The following MIPOL1 variants were observed in gnomAD, a reference collection of about 807,000 sequenced individuals.
The protein encoded by MIPOL1 is mirror-image polydactyly gene 1 protein.
MIPOL1 carries 57 observed loss-of-function variants against 60.9 expected under a neutral mutation model. That is an observed-to-expected ratio of 0.94 (90% CI 0.76 to 1.17). The LOEUF is 1.17. MIPOL1 is among the 50% of genes most tolerant of loss of function. MIPOL1 has a pLI of 0.00. For synonymous variants in MIPOL1, 179 were observed against 168.8 expected (o/e 1.06, Z -0.47); for missense variants, 551 against 511.6 (o/e 1.08, Z -0.74).
intron 9 of MIPOL1, among the ~76,000 whole-genome samples, chr14:37,369,182 T>G (rs1313106364): frequency 6.6e-6 from 1 of 152,064 alleles, no homozygotes; most frequent in Non-Finnish European, 1.5e-5. Context: ...AGAAGCACAG[T>G]TTTATTCAAC....
intron 11 of MIPOL1, among the ~76,000 whole-genome samples, chr14:37,485,415 T>C (rs2094932465): frequency 6.6e-6 from 1 of 152,324 alleles, no homozygotes; most frequent in Non-Finnish European, 1.5e-5. Flanking sequence ...TACACTGTCT[T>C]CCACAATGGC....
intron 9 of MIPOL1, among the ~76,000 whole-genome samples, chr14:37,326,527 G>A (rs943313143): frequency 1.6e-4 from 25 of 152,168 alleles, no homozygotes; most frequent in African/African-American, 5.8e-4. Flanking sequence ...GTCCAGTGTA[G>A]TCACCCTTCC....
In MIPOL1 at chr14:37,271,459, G is replaced by A. The variant is rs989494608; in HGVS notation, c.493+934G>A. Among the ~76,000 whole-genome samples the A allele has an allele frequency of 2.0e-5, 3 of 151,914 alleles. No individual in the cohort carries two copies. In the East Asian group the frequency reaches 5.8e-4, roughly 29 times the overall value. On this transcript the variant is annotated intron_variant, in intron 6 of 12. Coordinates refer to ENST00000684589, the MANE Select transcript of MIPOL1 (RefSeq NM_001388067.1). ...TTTAGGTCAGAAATATGATTAACTA[G>A]GAGAGCTTGCTTTAAAATATGATTG...
At chr14:37,389,239 A>AT (rs1555327900) in intron 10 of MIPOL1, among the ~76,000 whole-genome samples, 7 of 152,054 alleles carry the variant, frequency 4.6e-5, no homozygotes, top group African/African-American at 1.7e-4. Flanking sequence ...GTAAAAAAAA[A>AT]CAAAAAACAG....
chr14:37,442,433 T>G (rs943847199), intron 11 of MIPOL1, among the ~76,000 whole-genome samples: 1 of 152,086 alleles, frequency 6.6e-6, no homozygotes, highest in African/African-American at 2.4e-5. Flanking sequence ...TGAGTGGACA[T>G]CCTTGTGTTG....
intron 12 of MIPOL1, chr14:37,504,404 G>C (rs1319729019): frequency 2.6e-5 from 4 of 152,130 alleles, no homozygotes; most frequent in Non-Finnish European, 4.4e-5. Flanking sequence ...ACAAAAAACT[G>C]TCTCTCAGAC....
intron 11 of MIPOL1, among the ~76,000 whole-genome samples, chr14:37,468,165 C>CGT (rs111522743): frequency 0.034 from 5,122 of 148,592 alleles, 152 homozygotes; most frequent in African/African-American, 0.084. Flanking sequence ...TTTACATATA[C>CGT]GTGTGTGTGT....
At chr14:37,251,472 T>C (rs1226669642) in intron 3 of MIPOL1, among the ~76,000 whole-genome samples, 2 of 151,580 alleles carry the variant, frequency 1.3e-5, no homozygotes, top group Admixed American at 6.6e-5. Context: ...CAGCAAAAAA[T>C]GTGTTACCAT....
intron 7 of MIPOL1, among the ~76,000 whole-genome samples, chr14:37,293,161 G>A (rs577406371): frequency 4.2e-4 from 64 of 151,888 alleles, no homozygotes; most frequent in Non-Finnish European, 6.3e-4. Context: ...CTTTTCTCTG[G>A]GCTGTCTACT....
chr14:37,268,818 TGTATA>T (rs2083073939), intron 5 of MIPOL1, 25 bp downstream of exon 5: 1 of 1,514,068 alleles, frequency 6.6e-7, no homozygotes, highest in Admixed American at 2.1e-5. Context: ...GTCTGATAAT[TGTATA>T]GTATGGGTTT....
At chr14:37,302,193 C>T (rs556107697) in intron 7 of MIPOL1, among the ~76,000 whole-genome samples, 60 of 148,050 alleles carry the variant, frequency 4.1e-4, no homozygotes, top group Non-Finnish European at 8.2e-4. Context: ...TCCAGAGTGG[C>T]TATACTAGCA....
intron 11 of MIPOL1, among the ~76,000 whole-genome samples, chr14:37,443,749 C>CAAA (rs752472741): frequency 1.4e-5 from 1 of 70,684 alleles, no homozygotes; most frequent in Non-Finnish European, 3.5e-5. Context: ...ATGATAGGCT[C>CAAA]AAAAAAAAAA....
chr14:37,509,696 GAT>G (rs2095310263), intron 12 of MIPOL1, among the ~76,000 whole-genome samples: 1 of 61,016 alleles, frequency 1.6e-5, no homozygotes, highest in East Asian at 6.9e-4. Context: ...ACTTATAGGT[GAT>G]ATATATGTAT....
chr14:37,283,669 TTTG>T (rs2084309217), intron 6 of MIPOL1, among the ~76,000 whole-genome samples: 1 of 152,216 alleles, frequency 6.6e-6, no homozygotes, highest in African/African-American at 2.4e-5. Flanking sequence ...GGAACTAACA[TTTG>T]TTGATGATCC....
intron 11 of MIPOL1, among the ~76,000 whole-genome samples, chr14:37,482,597 C>A (rs1326193765): frequency 6.6e-6 from 1 of 152,134 alleles, no homozygotes; most frequent in Non-Finnish European, 1.5e-5. Context: ...GGGGAAATTC[C>A]AGACACTTAT....
At chr14:37,228,754 C>T (rs1450226702) in intron 1 of MIPOL1, among the ~76,000 whole-genome samples, 1 of 152,108 alleles carries the variant, frequency 6.6e-6, no homozygotes, top group African/African-American at 2.4e-5. Flanking sequence ...TCACATTTTT[C>T]GTGTGTAATT....
At chr14:37,266,911 A>G (rs773052336) in intron 3 of MIPOL1, 27 bp from the exon 4 acceptor site, 17 of 1,438,638 alleles carry the variant, frequency 1.2e-5, no homozygotes, top group African/African-American at 7.1e-5. Flanking sequence ...TTAATATATC[A>G]TGTGTTATTT....
At chr14:37,529,816 G>T (rs1205648377) in intron 12 of MIPOL1, among the ~76,000 whole-genome samples, 1 of 152,182 alleles carries the variant, frequency 6.6e-6, no homozygotes, top group African/African-American at 2.4e-5. Context: ...ACCCTGGCAG[G>T]AGCGGAGGCT....
At chr14:37,305,446 G>T (rs1443170721) in intron 7 of MIPOL1, among the ~76,000 whole-genome samples, 1 of 151,778 alleles carries the variant, frequency 6.6e-6, no homozygotes, top group African/African-American at 2.4e-5. Context: ...CACTTATTGT[G>T]TATGGCTGCT....
Sources: gnomAD v4.1 joint callset for allele counts (sites outside exome capture counted in the v4.1 genomes callset) on GRCh38, gnomAD v4.1.1 for gene constraint, MANE v1.5 for transcripts, NCBI Gene and HGNC (gene_info 2026-07-23, HGNC 2026-07-21) for gene names.